Variants in USH2A observed in about 807,000 individuals in gnomAD.
USH2A encodes usherin.
A neutral mutation model predicts 538.9 loss-of-function variants in USH2A; 443 were observed. The ratio of observed to expected loss-of-function variants is 0.82; its 90% confidence interval spans 0.76 to 0.89. The LOEUF (loss-of-function observed/expected upper bound fraction) is 0.89, where lower values mean the gene tolerates loss of function less well. USH2A is among the 40% of genes least tolerant of loss of function. The pLI is 0.00. For synonymous variants in USH2A, 2,413 were observed against 2,273.5 expected, an observed-to-expected ratio of 1.06 and a Z score of -1.75; for missense variants, 6,633 against 6,324.8, an observed-to-expected ratio of 1.05 and a Z score of -1.65.
chr1:216,278,585 T>C (rs1290490686), intron 11 of USH2A, among the ~76,000 whole-genome samples: 1 of 152,222 alleles, frequency 6.6e-6, no homozygotes, highest in Non-Finnish European at 1.5e-5. Flanking sequence ...TCTGTCTCTA[T>C]TGAAGCTCTG....
At chr1:215,895,071 G>A (rs1387175564) in intron 40 of USH2A, among the ~76,000 whole-genome samples, 2 of 152,238 alleles carry the variant, frequency 1.3e-5, no homozygotes, top group Admixed American at 1.3e-4. Context: ...TTTACTGTGT[G>A]TGCTCCTTGC....
chr1:216,087,120 A>C (rs1190671337), intron 23 of USH2A, among the ~76,000 whole-genome samples: 1 of 152,194 alleles, frequency 6.6e-6, no homozygotes, highest in Non-Finnish European at 1.5e-5. Flanking sequence ...CCAGGGCCAA[A>C]GGCCAGGGGA....
intron 47 of USH2A, among the ~76,000 whole-genome samples, chr1:215,833,373 G>A (rs1338454016): frequency 6.6e-6 from 1 of 151,878 alleles, no homozygotes; most frequent in African/African-American, 2.4e-5. Context: ...GAACATAAAA[G>A]AGAGTCCAAA....
chr1:215,675,143 C>A lies in USH2A; in HGVS notation c.12768G>T (p.Val4256=). Residue 4256 remains valine, a synonymous_variant, in exon 63 of 72, where the codon GTG becomes GTT. Coordinates refer to ENST00000307340, the MANE Select transcript of USH2A (RefSeq NM_206933.4). ...CTTCTGGAGGTGCTTGCAATGTCCT[C>A]ACCACATTCCAAGAGCTACAGGTAT... ...AGHTCSSWNV[V]RTLQAPPEGL... is the part of the protein sequence containing the mutation. 6.2e-7 allele frequency: 1 copy of A among 1,614,074 alleles called. No individual in the cohort carries two copies. Among genetic ancestry groups the A allele is most frequent in the East Asian group, 2.2e-5 (1 of 44,858 alleles).
intron 21 of USH2A, among the ~76,000 whole-genome samples, chr1:216,122,322 C>A (rs2033153977): frequency 6.6e-6 from 1 of 152,056 alleles, no homozygotes; most frequent in African/African-American, 2.4e-5. Context: ...GAGAGGGACA[C>A]AGGCTAAAGA....
At chr1:216,247,252 T>C in intron 12 of USH2A, 26 bp from the exon 13 acceptor site, 2 of 1,611,994 alleles carry the variant, frequency 1.2e-6, no homozygotes, top group Non-Finnish European at 1.7e-6. Flanking sequence ...ATTTAAAAGG[T>C]GAGGATGGGA....
At chr1:216,183,420 A>T (rs2034530579) in intron 20 of USH2A, among the ~76,000 whole-genome samples, 1 of 152,142 alleles carries the variant, frequency 6.6e-6, no homozygotes, top group Middle Eastern at 3.4e-3. Flanking sequence ...CTGTTCAATA[A>T]CATGCTTTGC....
At chr1:216,330,568 AG>A (rs1007474898) in intron 4 of USH2A, among the ~76,000 whole-genome samples, 3 of 151,814 alleles carry the variant, frequency 2.0e-5, no homozygotes, top group African/African-American at 4.8e-5. Flanking sequence ...GCAGAATAAA[AG>A]GGGGGAGGTT....
At chr1:215,766,819 C>T (rs374352193) in intron 55 of USH2A, 31 bp from the exon 56 acceptor site, 40 of 1,573,648 alleles carry the variant, frequency 2.5e-5, no homozygotes, top group Admixed American at 3.3e-5. Context: ...ATAAAGTGCA[C>T]CTTAAGAGGA....
chr1:215,762,980 T>G (rs1246631561), intron 56 of USH2A, among the ~76,000 whole-genome samples: 1 of 152,204 alleles, frequency 6.6e-6, no homozygotes, highest in Non-Finnish European at 1.5e-5. Context: ...ACTTCTCATG[T>G]CCCTACAAAT....
chr1:216,083,704 T>A, intron 25 of USH2A, 118 bp from the exon 26 acceptor site: 1 of 1,010,430 alleles, frequency 9.9e-7, no homozygotes, highest in Non-Finnish European at 1.5e-6. Context: ...CAAAAGAAGA[T>A]GCAAATCAAT....
chr1:216,242,404 C>T (rs1334891623), intron 13 of USH2A, among the ~76,000 whole-genome samples: 3 of 151,154 alleles, frequency 2.0e-5, no homozygotes, highest in African/African-American at 7.3e-5. Flanking sequence ...ATATATAATT[C>T]CTTGTACATT....
chr1:216,290,319 A>G (rs577137109), intron 10 of USH2A, among the ~76,000 whole-genome samples: 3 of 152,300 alleles, frequency 2.0e-5, no homozygotes, highest in African/African-American at 7.2e-5. Context: ...TTAAAAATTA[A>G]ATTGATTTAT....
At chr1:215,713,909 C>A (rs1261894856) in intron 61 of USH2A, among the ~76,000 whole-genome samples, 3 of 152,188 alleles carry the variant, frequency 2.0e-5, no homozygotes, top group Non-Finnish European at 4.4e-5. Context: ...GAGCTGCAAT[C>A]AAATCCAAAC....
intron 20 of USH2A, among the ~76,000 whole-genome samples, chr1:216,186,397 A>T (rs980799962): frequency 6.6e-6 from 1 of 151,762 alleles, no homozygotes; most frequent in Admixed American, 6.6e-5. Context: ...ATACCATATG[A>T]CACTGCAGAC....
chr1:215,789,441 CT>C, intron 51 of USH2A, among the ~76,000 whole-genome samples: 1 of 152,198 alleles, frequency 6.6e-6, no homozygotes, highest in Admixed American at 6.5e-5. Flanking sequence ...GTCCATGGTC[CT>C]TTCCTTAAAT....
At chr1:215,767,467 C>T (rs989564258) in intron 55 of USH2A, among the ~76,000 whole-genome samples, 29 of 152,130 alleles carry the variant, frequency 1.9e-4, no homozygotes, top group Non-Finnish European at 2.5e-4. Context: ...GTATCTAATG[C>T]GCCCTTTTTT....
At chr1:216,034,756 T>C (rs1234708055) in intron 32 of USH2A, among the ~76,000 whole-genome samples, 1 of 152,178 alleles carries the variant, frequency 6.6e-6, no homozygotes, top group Non-Finnish European at 1.5e-5. Flanking sequence ...GAGGGCGGGA[T>C]AGGCAAGGAA....
At chr1:216,085,136 G>A (rs949356981) in intron 24 of USH2A, 3 of 424,826 alleles carry the variant, frequency 7.1e-6, no homozygotes, top group African/African-American at 6.0e-5. Flanking sequence ...GCAGTAGCAA[G>A]AATATTGCCT....
Sources: allele counts gnomAD v4.1 joint callset (sites outside exome capture counted in the v4.1 genomes callset), GRCh38; gene constraint gnomAD v4.1.1; transcripts MANE v1.5; gene names NCBI Gene and HGNC (gene_info 2026-07-23, HGNC 2026-07-21).